The following PTPRN2 variants were observed in gnomAD, a reference collection of about 807,000 sequenced individuals.
PTPRN2 encodes the protein protein tyrosine phosphatase receptor type N2, also known as receptor-type tyrosine-protein phosphatase N2.
Under a neutral mutation model 118.8 loss-of-function variants are expected in PTPRN2, and 74 were observed. The ratio of observed to expected loss-of-function variants is 0.62; its 90% CI spans 0.52 to 0.76. The LOEUF (loss-of-function observed/expected upper bound fraction) is 0.76. PTPRN2 is among the 30% of genes least tolerant of loss of function. PTPRN2 has a pLI of 0.00. For missense variants in PTPRN2, 1,481 were observed against 1,394.4 expected (o/e 1.06, Z -0.99); for synonymous variants, 641 against 608.0 (o/e 1.05, Z -0.80).
At chr7:157,954,478 A>T (rs1336995984) in intron 11 of PTPRN2, among the ~76,000 whole-genome samples, 3 of 130,258 alleles carry the variant, frequency 2.3e-5, no homozygotes, top group Admixed American at 8.0e-5. Context: ...ATGTGTGTCT[A>T]TGTGGGTGGT....
chr7:157,694,321 A>C (rs6962998), intron 12 of PTPRN2, among the ~76,000 whole-genome samples: 61,758 of 151,958 alleles, frequency 0.41, 12,749 homozygotes, highest in South Asian at 0.47. Context: ...AGAACAGCAC[A>C]CTTCCTCGTC....
chr7:158,075,956 C>T (rs941283648), intron 11 of PTPRN2, among the ~76,000 whole-genome samples: 100 of 152,236 alleles, frequency 6.6e-4, no homozygotes, highest in African/African-American at 2.4e-3. Flanking sequence ...CCTCCAGTCT[C>T]ACTGCTCTGG....
intron 1 of PTPRN2, among the ~76,000 whole-genome samples, chr7:158,586,418 G>A (rs925139241): frequency 2.6e-5 from 4 of 152,304 alleles, no homozygotes; most frequent in Middle Eastern, 3.4e-3. Context: ...GCACTGAGGT[G>A]GGTGCAGGCG....
At chr7:158,019,966 G>T (rs1289935279) in intron 11 of PTPRN2, among the ~76,000 whole-genome samples, 1 of 152,220 alleles carries the variant, frequency 6.6e-6, no homozygotes, top group Admixed American at 6.5e-5. Context: ...CTCAGGTCCA[G>T]CCATTGGCCG....
At chr7:158,201,184 G>T (rs1221097681) in intron 4 of PTPRN2, among the ~76,000 whole-genome samples, 2 of 151,862 alleles carry the variant, frequency 1.3e-5, no homozygotes, top group East Asian at 3.9e-4. Flanking sequence ...TGAGTAGCCA[G>T]GCGCCACCAC....
chr7:158,270,024 C>G (rs1490397107), intron 3 of PTPRN2, among the ~76,000 whole-genome samples: 1 of 152,222 alleles, frequency 6.6e-6, no homozygotes, highest in Non-Finnish European at 1.5e-5. Flanking sequence ...CCCGTCCACT[C>G]TCTGCCTGAC....
At chr7:158,504,274 G>A (rs1335618878) in intron 1 of PTPRN2, among the ~76,000 whole-genome samples, 10 of 152,110 alleles carry the variant, frequency 6.6e-5, no homozygotes, top group Admixed American at 6.6e-4. Context: ...TGCCATGGTG[G>A]TTTCCTGCAC....
intron 3 of PTPRN2, among the ~76,000 whole-genome samples, chr7:158,249,091 T>C (rs1487018640): frequency 1.3e-5 from 2 of 148,592 alleles, no homozygotes; most frequent in Non-Finnish European, 3.0e-5. Flanking sequence ...ACACCACACA[T>C]ATGCACACAT....
chr7:158,373,396 G>C (rs1021635641), intron 2 of PTPRN2, among the ~76,000 whole-genome samples: 1 of 152,238 alleles, frequency 6.6e-6, no homozygotes, highest in Non-Finnish European at 1.5e-5. Flanking sequence ...AGCGTTAGCT[G>C]CATGTTCTTA....
intron 10 of PTPRN2, among the ~76,000 whole-genome samples, chr7:158,091,589 G>GT (rs1156406709): frequency 6.6e-6 from 1 of 151,870 alleles, no homozygotes; most frequent in Non-Finnish European, 1.5e-5. Flanking sequence ...TGAGGGATAG[G>GT]TGATAGATGG....
chr7:158,305,606 G>A (rs1395616463), intron 3 of PTPRN2, among the ~76,000 whole-genome samples: 3 of 152,130 alleles, frequency 2.0e-5, no homozygotes, highest in Non-Finnish European at 2.9e-5. Context: ...CCAGATGAAC[G>A]TTGAGGAGAG....
At chr7:157,796,199 C>T (rs1343343656) in intron 12 of PTPRN2, among the ~76,000 whole-genome samples, 1 of 152,252 alleles carries the variant, frequency 6.6e-6, no homozygotes, top group Non-Finnish European at 1.5e-5. Context: ...GAAAGATCGG[C>T]CTTGAGGTTA....
chr7:158,072,762 C>G (rs547017182), intron 11 of PTPRN2, among the ~76,000 whole-genome samples: 1 of 152,348 alleles, frequency 6.6e-6, no homozygotes, highest in African/African-American at 2.4e-5. Flanking sequence ...CACACTCCAG[C>G]TGCTGTGTAG....
At chr7:158,157,805 T>C (rs1821970500) in intron 6 of PTPRN2, among the ~76,000 whole-genome samples, 2 of 152,210 alleles carry the variant, frequency 1.3e-5, no homozygotes, top group Non-Finnish European at 2.9e-5. Flanking sequence ...GAGAGTGCGC[T>C]GCTGCTGACT....
At chr7:158,087,589 G>A (rs894364426) in intron 10 of PTPRN2, among the ~76,000 whole-genome samples, 4 of 152,276 alleles carry the variant, frequency 2.6e-5, no homozygotes, top group African/African-American at 7.2e-5. Flanking sequence ...CTCCCCTGAC[G>A]AAGGAGGGAG....
At chr7:158,168,906 G>C (rs1585720017) in intron 5 of PTPRN2, among the ~76,000 whole-genome samples, 1 of 152,194 alleles carries the variant, frequency 6.6e-6, no homozygotes, top group African/African-American at 2.4e-5. Flanking sequence ...TGGACAGGCT[G>C]AGTATGAATA....
chr7:157,550,537 T>C lies in PTPRN2; in HGVS notation c.2903-1518A>G, dbSNP rs892051965. Among the ~76,000 whole-genome samples the C allele has an allele frequency of 6.6e-6, 1 of 152,198 alleles. No homozygotes were observed. Among genetic ancestry groups the C allele is most frequent in the Non-Finnish European group, 1.5e-5 (1 of 68,014 alleles). Reference sequence around the variant, plus strand: ...CACCCCACCTGCCCTGCCTGGCTGGTGGGTCTCCCCACCTTTGAGCACAGA... The same window carrying C: ...CACCCCACCTGCCCTGCCTGGCTGGCGGGTCTCCCCACCTTTGAGCACAGA... On this transcript the variant is annotated intron_variant, in intron 21 of 22. Coordinates refer to ENST00000389418, the MANE Select transcript of PTPRN2 (RefSeq NM_002847.5). This position sits in a 1 kb window ranked among gnomAD's most constrained non-coding sequence, Gnocchi z 5.2.
In PTPRN2 at chr7:157,591,696, C is replaced by T. The variant is rs925848878; in HGVS notation, c.2496+3542G>A. On this transcript the variant is annotated intron_variant, in intron 17 of 22. Transcript: ENST00000389418. This position sits in a 1 kb window ranked among gnomAD's most constrained non-coding sequence, Gnocchi z 4.4. ...CTGGTAAGTATTCAATGAAGAACAA[C>T]GCCTGAGAGATGCTGACATTCTAAA... is the stretch of plus-strand genomic sequence containing the variant. Among the ~76,000 whole-genome samples the T allele has an allele frequency of 4.2e-4, 64 of 152,210 alleles. No homozygotes were observed. The highest frequency in any genetic ancestry group is 3.2e-3 in the Middle Eastern group (1 of 316).
In PTPRN2 at chr7:157,729,635, G is replaced by A. The variant is rs1799783933; in HGVS notation, c.1789-46698C>T. Among the ~76,000 whole-genome samples, 1 of 152,178 alleles carries A rather than the reference G, an allele frequency of 6.6e-6. No individual in the cohort carries two copies. Among genetic ancestry groups the A allele is most frequent in the Non-Finnish European group, 1.5e-5 (1 of 68,024 alleles). ...GCAAAGGGCCATCCTGGGGTCCGAG[G>A]GCTTCCTGGTCCTGACCCAGTCCTG... On this transcript the variant is annotated intron_variant, in intron 12 of 22. Coordinates refer to ENST00000389418, the MANE Select transcript of PTPRN2 (RefSeq NM_002847.5). The surrounding 1 kb of genome is among the most constrained non-coding windows in gnomAD (Gnocchi z 4.3).
Sources: allele counts gnomAD v4.1 joint callset (sites outside exome capture counted in the v4.1 genomes callset), GRCh38; gene constraint gnomAD v4.1.1; non-coding constraint Gnocchi (gnomAD v3.1); transcripts MANE v1.5; gene names NCBI Gene and HGNC (gene_info 2026-07-23, HGNC 2026-07-21).